BPIFB6: variants seen among roughly 807,000 people sequenced by gnomAD.
BPIFB6 encodes BPI fold containing family B member 6.
In BPIFB6, 47 loss-of-function variants were observed where a neutral mutation model predicts 54.7. The observed-to-expected ratio is 0.86, with a 90% CI of 0.68 to 1.10. BPIFB6 has a LOEUF of 1.10. Among genes scored for constraint, BPIFB6 ranks in the 50% least tolerant of loss-of-function variants. BPIFB6 has a pLI of 0.00. For missense variants in BPIFB6, 603 were observed against 564.1 expected (o/e 1.07, Z -0.70); for synonymous variants, 255 against 225.9 (o/e 1.13, Z -1.16).
In BPIFB6 at chr20:33,038,232, C is replaced by T. The variant is rs528346336; in HGVS notation, c.846+494C>T. Among the ~76,000 whole-genome samples, 10 of 152,270 alleles carry T rather than the reference C, an allele frequency of 6.6e-5. No individual in the cohort carries two copies. The East Asian group carries it at 1.9e-3, about 29-fold the overall frequency. ...CAACTTTCCTTTATCCATCCTCCTACTCGTCCACTCATTCAGCCATCCATC... is the reference window on the plus strand; with the variant it reads ...CAACTTTCCTTTATCCATCCTCCTATTCGTCCACTCATTCAGCCATCCATC... On this transcript the variant is annotated intron_variant, in intron 8 of 14. Coordinates refer to ENST00000349552, the MANE Select transcript of BPIFB6 (RefSeq NM_174897.2).
intron 2 of BPIFB6, chr20:33,033,596 C>A (rs1370061606): frequency 4.4e-6 from 2 of 456,828 alleles, no homozygotes; most frequent in East Asian, 1.4e-4. Flanking sequence ...GCCAAGAGCT[C>A]AGGATGGGCA....
intron 12 of BPIFB6, 84 bp from the exon 13 acceptor site, chr20:33,042,731 G>C: frequency 1.5e-6 from 2 of 1,319,122 alleles, no homozygotes; most frequent in South Asian, 2.5e-5. Context: ...GTGGTCCCCA[G>C]GCCTAGCCAG....
chr20:33,041,509 A>C (rs1979583760), intron 11 of BPIFB6, among the ~76,000 whole-genome samples: 1 of 152,162 alleles, frequency 6.6e-6, no homozygotes, highest in Admixed American at 6.5e-5. Context: ...TTACTGGAAT[A>C]GAGAATAGAT....
intron 1 of BPIFB6, 109 bp from the exon 2 acceptor site, chr20:33,032,875 G>A (rs922190317): frequency 2.0e-5 from 16 of 806,832 alleles, no homozygotes; most frequent in Non-Finnish European, 3.4e-5. Flanking sequence ...TCATCTCTGG[G>A]TCTCTGCCAT....
At chr20:33,041,701 G>A (rs1979593471) in intron 11 of BPIFB6, among the ~76,000 whole-genome samples, 1 of 152,192 alleles carries the variant, frequency 6.6e-6, no homozygotes, top group Admixed American at 6.5e-5. Context: ...AGGAGCAATA[G>A]ACACAAATGG....
intron 11 of BPIFB6, among the ~76,000 whole-genome samples, chr20:33,041,713 G>A (rs923692731): frequency 4.6e-5 from 7 of 152,170 alleles, no homozygotes; most frequent in Non-Finnish European, 1.0e-4. Flanking sequence ...CACAAATGGG[G>A]GTCCCAGAGG....
At chr20:33,033,883 AG>A (rs1433038408) in intron 2 of BPIFB6, among the ~76,000 whole-genome samples, 1 of 152,180 alleles carries the variant, frequency 6.6e-6, no homozygotes, top group African/African-American at 2.4e-5. Flanking sequence ...GATCTAAGCA[AG>A]CCTCCCATTT....
At position 33,042,888 on chromosome 20, in the gene BPIFB6, C is replaced by A. The variant is rs775022131; in HGVS notation, c.1252+10C>A. 5.6e-6 allele frequency: 9 copies of A among 1,613,374 alleles called. No homozygotes were observed. The highest frequency in any genetic ancestry group is 7.6e-6 in the Non-Finnish European group (9 of 1,179,504). On this transcript the variant is annotated intron_variant, in intron 13 of 14. Transcript: ENST00000349552. ...ATCCCAGTTGTCAATGGTGAGGGTT[C>A]CAAAAGGCTTTGGACCATGGTGCCA...
At chr20:33,042,915 G>T (rs1478937477) in intron 13 of BPIFB6, 37 bp downstream of exon 13, 1 of 1,600,254 alleles carries the variant, frequency 6.2e-7, no homozygotes, top group Non-Finnish European at 8.6e-7. Context: ...ATGGTGCCAA[G>T]AAGCACTTTA....
At chr20:33,041,298 G>A (rs1979575050) in intron 11 of BPIFB6, among the ~76,000 whole-genome samples, 2 of 151,958 alleles carry the variant, frequency 1.3e-5, no homozygotes, top group Admixed American at 1.3e-4. Context: ...CTAACTTTAG[G>A]GGTAGCTCTG....
At chr20:33,033,300 T>C (rs1266167361) in intron 2 of BPIFB6, 1 of 650,864 alleles carries the variant, frequency 1.5e-6, no homozygotes. Context: ...TTCTGCTTTG[T>C]AGTGAGCAGG....
intron 8 of BPIFB6, among the ~76,000 whole-genome samples, chr20:33,038,375 C>A (rs1171987911): frequency 1.3e-5 from 2 of 152,162 alleles, no homozygotes; most frequent in Non-Finnish European, 2.9e-5. Flanking sequence ...ATCCATCAGT[C>A]CATTCATCTA....
chr20:33,039,598 A>G, intron 10 of BPIFB6, 78 bp downstream of exon 10: 2 of 1,438,108 alleles, frequency 1.4e-6, no homozygotes, highest in Non-Finnish European at 1.9e-6. Flanking sequence ...TTTTTAGTTG[A>G]CAGCCAAGTC....
chr20:33,036,595 G>A, intron 7 of BPIFB6, 59 bp downstream of exon 7: 2 of 1,466,804 alleles, frequency 1.4e-6, no homozygotes, highest in Admixed American at 1.7e-5. Context: ...TGGGTAGTGG[G>A]TGATGCTTCT....
intron 4 of BPIFB6, 36 bp from the exon 5 acceptor site, chr20:33,035,045 C>G (rs369668575): frequency 1.9e-6 from 3 of 1,612,842 alleles, no homozygotes; most frequent in Non-Finnish European, 2.5e-6. Flanking sequence ...CACTGGTGCA[C>G]CTGCCCACCT....
intron 12 of BPIFB6, 135 bp from the exon 13 acceptor site, chr20:33,042,680 T>A: frequency 1.3e-6 from 1 of 789,124 alleles, no homozygotes; most frequent in Non-Finnish European, 2.0e-6. Context: ...CCAGTTTTGA[T>A]GCCAGCTGGA....
intron 5 of BPIFB6, among the ~76,000 whole-genome samples, 190 bp from the exon 6 acceptor site, chr20:33,035,422 T>C: frequency 6.6e-6 from 1 of 152,138 alleles, no homozygotes. Flanking sequence ...TTTGCAGACT[T>C]TGATTTGGTC....
chr20:33,040,149 T>A, intron 10 of BPIFB6, 102 bp from the exon 11 acceptor site: 1 of 1,042,306 alleles, frequency 9.6e-7, no homozygotes, highest in Non-Finnish European at 1.5e-6. Context: ...TGCTTTGTCT[T>A]GGCAATGGTG....
At position 33,041,913 on chromosome 20, in the gene BPIFB6, C is replaced by T. The variant is rs960515582; in HGVS notation, c.1143-57C>T. 3 of 1,549,124 alleles carry T rather than the reference C, an allele frequency of 1.9e-6. No homozygotes were observed. In the Middle Eastern group the frequency reaches 5.0e-4, roughly 260 times the overall value. ...ACCCCCTTCTCCAGCGCCAGGGCCA[C>T]TGGCTCTGACCGTTCTTTCCCCTCC... On this transcript the variant is annotated intron_variant, in intron 11 of 14. Coordinates refer to ENST00000349552, the MANE Select transcript of BPIFB6 (RefSeq NM_174897.2).
Sources: gnomAD v4.1 joint callset for allele counts (sites outside exome capture counted in the v4.1 genomes callset) on GRCh38, gnomAD v4.1.1 for gene constraint, MANE v1.5 for transcripts, NCBI Gene and HGNC (gene_info 2026-07-23, HGNC 2026-07-21) for gene names.